CERS3: variants seen among roughly 807,000 people sequenced by gnomAD.
The protein encoded by CERS3 is LAG1 homolog, ceramide synthase 3.
CERS3 carries 33 observed loss-of-function variants against 50.3 expected under a neutral mutation model. That is an observed-to-expected ratio of 0.66 (90% CI 0.50 to 0.88). The LOEUF is 0.88. Ranked by LOEUF, CERS3 falls within the 40% of genes least tolerant of loss-of-function variation. The probability of loss-of-function intolerance (pLI) is 0.00; values close to 1 mark genes in which losing one functional copy is unlikely to be tolerated. For synonymous variants in CERS3, 176 were observed against 155.2 expected, an observed-to-expected ratio of 1.13 and a Z score of -0.99; for missense variants, 470 against 460.3, an observed-to-expected ratio of 1.02 and a Z score of -0.19.
intron 1 of CERS3, among the ~76,000 whole-genome samples, chr15:100,524,903 C>T (rs756304396): frequency 4.6e-5 from 7 of 152,094 alleles, no homozygotes; most frequent in East Asian, 1.9e-4. Flanking sequence ...AACAAATAGA[C>T]CTTATCCCAG....
At chr15:100,438,036 C>CTTTTTTTTTTT (rs10712821) in intron 11 of CERS3, 2 of 102,002 alleles carry the variant, frequency 2.0e-5, no homozygotes, top group African/African-American at 3.8e-5. Context: ...TATGTACCCA[C>CTTTTTTTTTTT]TTTTTTTTTT....
intron 4 of CERS3, among the ~76,000 whole-genome samples, chr15:100,487,248 C>T (rs533763338): frequency 1.7e-4 from 26 of 152,310 alleles, no homozygotes; most frequent in East Asian, 9.6e-4. Flanking sequence ...TGCTTAAACA[C>T]GCTCCTTTGG....
At chr15:100,535,485 G>C (rs1175379903) in intron 1 of CERS3, among the ~76,000 whole-genome samples, 1 of 152,238 alleles carries the variant, frequency 6.6e-6, no homozygotes, top group African/African-American at 2.4e-5. Flanking sequence ...ATGAGCAAAA[G>C]TGTTCACACA....
At chr15:100,526,297 A>G (rs1298096478) in intron 1 of CERS3, among the ~76,000 whole-genome samples, 2 of 152,208 alleles carry the variant, frequency 1.3e-5, no homozygotes, top group African/African-American at 4.8e-5. Flanking sequence ...GGAAAGTCCA[A>G]GCTTCTTGTG....
chr15:100,482,182 A>G (rs978703138), intron 5 of CERS3, among the ~76,000 whole-genome samples: 4 of 152,242 alleles, frequency 2.6e-5, no homozygotes, highest in African/African-American at 9.6e-5. Flanking sequence ...ATGTCATTTC[A>G]CTAGTTTCAC....
intron 11 of CERS3, among the ~76,000 whole-genome samples, chr15:100,436,434 G>T (rs2033406924): frequency 6.6e-6 from 1 of 152,112 alleles, no homozygotes; most frequent in Admixed American, 6.6e-5. Context: ...AGAACACATG[G>T]ACACAGGGAG....
intron 11 of CERS3, among the ~76,000 whole-genome samples, chr15:100,428,907 G>A (rs1567607397): frequency 6.6e-6 from 1 of 152,350 alleles, no homozygotes; most frequent in South Asian, 2.1e-4. Flanking sequence ...TAGTTTAACA[G>A]GAGTAGCCGG....
chr15:100,478,721 T>C (rs942746852), intron 7 of CERS3, among the ~76,000 whole-genome samples: 24 of 152,010 alleles, frequency 1.6e-4, no homozygotes, highest in Admixed American at 1.4e-3. Context: ...AAAATATCCT[T>C]TAAAAGTCAA....
chr15:100,459,339 A>C (rs1247025305), intron 10 of CERS3, among the ~76,000 whole-genome samples: 1 of 152,182 alleles, frequency 6.6e-6, no homozygotes, highest in Non-Finnish European at 1.5e-5. Flanking sequence ...TCTGTCTCCC[A>C]GGCAGGAGTG....
At chr15:100,524,869 T>A (rs1289079791) in intron 1 of CERS3, among the ~76,000 whole-genome samples, 2 of 152,210 alleles carry the variant, frequency 1.3e-5, no homozygotes, top group Admixed American at 6.5e-5. Flanking sequence ...CAGTAAAATA[T>A]GTCTGGCAAA....
At chr15:100,455,392 C>G (rs1992503) in intron 11 of CERS3, among the ~76,000 whole-genome samples, 142,547 of 152,202 alleles carry the variant, frequency 0.94, 67,075 homozygotes, top group South Asian at 1. Context: ...AAATTCCAAT[C>G]TTCAGCAGCA....
intron 2 of CERS3, among the ~76,000 whole-genome samples, chr15:100,513,537 TTTC>T (rs769894784): frequency 2.8e-4 from 9 of 31,694 alleles, no homozygotes; most frequent in Non-Finnish European, 7.5e-4. Context: ...CTTGTTTTCT[TTTC>T]TTTTTTTTTT....
intron 10 of CERS3, among the ~76,000 whole-genome samples, chr15:100,458,473 C>T (rs1027496201): frequency 3.3e-5 from 5 of 151,664 alleles, no homozygotes; most frequent in African/African-American, 1.2e-4. Flanking sequence ...GTAATCCTGG[C>T]TACTTGGGAT....
chr15:100,501,951 A>T, intron 2 of CERS3, 101 bp from the exon 3 acceptor site: 1 of 1,273,758 alleles, frequency 7.9e-7, no homozygotes, highest in Non-Finnish European at 1.1e-6. Context: ...GAGAGCTTAG[A>T]AAATAAGGCA....
intron 3 of CERS3, among the ~76,000 whole-genome samples, chr15:100,491,450 A>G (rs1015079687): frequency 1.3e-5 from 2 of 152,142 alleles, no homozygotes. Context: ...TGACTGTACT[A>G]TATTGCATTC....
rs1215967661 is a variant in CERS3, at chr15:100,503,816, C to T, written c.-1-1966G>A. ...GCAGTCAGCAGAGAGAAGGTTTGGC[C>T]AGAGCAGTGGGGACCAGAGGGAATA... is the stretch of plus-strand genomic sequence containing the variant. On this transcript the variant is annotated intron_variant, in intron 2 of 11. Coordinates refer to ENST00000679737, the MANE Select transcript of CERS3 (RefSeq NM_001378789.1). The T allele has an allele frequency of 1.1e-5, 5 of 462,534 alleles. No homozygotes were observed. In the East Asian group the frequency reaches 2.8e-4, roughly 26 times the overall value. 28.7% of individuals were successfully genotyped at this position (462,534 alleles called of 1,614,324 possible). A position where few individuals can be genotyped will look rare whatever the true frequency, so the allele number is the denominator to read the frequency against.
chr15:100,432,318 G>T (rs975608260), intron 11 of CERS3, among the ~76,000 whole-genome samples: 1 of 152,150 alleles, frequency 6.6e-6, no homozygotes, highest in Non-Finnish European at 1.5e-5. Context: ...TAAACAAAAG[G>T]CTGGAATGAT....
chr15:100,539,566 C>T (rs1488512837), intron 1 of CERS3, among the ~76,000 whole-genome samples: 2 of 152,104 alleles, frequency 1.3e-5, no homozygotes, highest in African/African-American at 4.8e-5. Flanking sequence ...GAGAAGAACC[C>T]CTTATAAAAC....
intron 2 of CERS3, among the ~76,000 whole-genome samples, chr15:100,506,455 A>C (rs2036181866): frequency 9.1e-6 from 1 of 109,586 alleles, no homozygotes; most frequent in African/African-American, 3.4e-5. Context: ...GTGTGAAGAA[A>C]TCGGGACCCC....
Sources: gnomAD v4.1 joint callset for allele counts (sites outside exome capture counted in the v4.1 genomes callset) on GRCh38, gnomAD v4.1.1 for gene constraint, MANE v1.5 for transcripts, NCBI Gene and HGNC (gene_info 2026-07-23, HGNC 2026-07-21) for gene names.